Variants in TBC1D22B observed in about 807,000 individuals in gnomAD.
TBC1D22B encodes the protein chromosome 6 open reading frame 197.
Under a neutral mutation model 69.1 loss-of-function variants are expected in TBC1D22B, and 32 were observed. The ratio of observed to expected loss-of-function variants is 0.46; its 90% CI spans 0.35 to 0.62. The LOEUF is 0.62. Ranked by LOEUF, TBC1D22B falls within the 20% of genes least tolerant of loss-of-function variation. The pLI, the probability that TBC1D22B is intolerant of heterozygous loss-of-function variation, is 0.00. For synonymous variants in TBC1D22B, 206 were observed against 229.8 expected (o/e 0.90, Z 0.94); for missense variants, 462 against 630.9 (o/e 0.73, Z 2.87).
chr6:37,273,574 T>C (rs1009702474), intron 2 of TBC1D22B, among the ~76,000 whole-genome samples: 1 of 152,240 alleles, frequency 6.6e-6, no homozygotes, highest in Admixed American at 6.5e-5. Flanking sequence ...CACCTGTTGA[T>C]GATATAAAAT....
chr6:37,277,715 G>A (rs896995042), intron 2 of TBC1D22B, among the ~76,000 whole-genome samples: 1 of 151,994 alleles, frequency 6.6e-6, no homozygotes, highest in Admixed American at 6.5e-5. Context: ...TGATCCATCT[G>A]CCTCCACCTC....
chr6:37,319,963 T>C (rs1581632103), intron 12 of TBC1D22B, among the ~76,000 whole-genome samples: 1 of 152,322 alleles, frequency 6.6e-6, no homozygotes, highest in East Asian at 1.9e-4. Context: ...AAGGAAGCTC[T>C]GTAGATGAAT....
chr6:37,313,500 A>C (rs977507710), intron 9 of TBC1D22B, among the ~76,000 whole-genome samples: 1 of 151,988 alleles, frequency 6.6e-6, no homozygotes, highest in Non-Finnish European at 1.5e-5. Context: ...AAAAAAAAAA[A>C]AAACAAAACA....
intron 6 of TBC1D22B, 134 bp downstream of exon 6, chr6:37,284,598 A>G: frequency 3.9e-6 from 4 of 1,023,068 alleles, no homozygotes; most frequent in Non-Finnish European, 5.3e-6. Context: ...ATTTATCCTC[A>G]AAACTGTTTC....
chr6:37,269,965 G>A (rs2113721331), intron 2 of TBC1D22B, among the ~76,000 whole-genome samples: 1 of 152,308 alleles, frequency 6.6e-6, no homozygotes, highest in South Asian at 2.1e-4. Flanking sequence ...GAACATTGAT[G>A]ACCTCCAGAT....
chr6:37,288,194 T>C (rs1767065139), intron 7 of TBC1D22B, among the ~76,000 whole-genome samples: 1 of 152,204 alleles, frequency 6.6e-6, no homozygotes, highest in Non-Finnish European at 1.5e-5. Context: ...CCTCATGTCT[T>C]ACCCATAGCA....
At chr6:37,275,301 T>TG (rs1033964292) in intron 2 of TBC1D22B, among the ~76,000 whole-genome samples, 2 of 152,208 alleles carry the variant, frequency 1.3e-5, no homozygotes, top group Admixed American at 1.3e-4. Flanking sequence ...GAATAGGCTA[T>TG]GTGTGTCAGA....
At chr6:37,259,187 A>G (rs1323830035) in intron 1 of TBC1D22B, among the ~76,000 whole-genome samples, 1 of 152,144 alleles carries the variant, frequency 6.6e-6, no homozygotes, top group Non-Finnish European at 1.5e-5. Context: ...GGATTCTAGT[A>G]GACATATGGA....
intron 8 of TBC1D22B, among the ~76,000 whole-genome samples, chr6:37,309,334 G>T (rs1767833817): frequency 6.6e-6 from 1 of 152,224 alleles, no homozygotes; most frequent in African/African-American, 2.4e-5. Flanking sequence ...CGATGCTCCT[G>T]TTGCCCTCAG....
At chr6:37,287,135 C>A in intron 7 of TBC1D22B, 63 bp downstream of exon 7, 1 of 1,415,206 alleles carries the variant, frequency 7.1e-7, no homozygotes, top group Non-Finnish European at 9.7e-7. Context: ...CACCTGTTTA[C>A]AGGTTTGCGG....
chr6:37,328,477 CAG>C (rs1768493886), intron 12 of TBC1D22B, among the ~76,000 whole-genome samples: 1 of 152,156 alleles, frequency 6.6e-6, no homozygotes, highest in Non-Finnish European at 1.5e-5. Context: ...ATGCTCAAAA[CAG>C]GAGGATGTAA....
At chr6:37,294,338 A>G (rs1350154045) in intron 8 of TBC1D22B, among the ~76,000 whole-genome samples, 1 of 152,142 alleles carries the variant, frequency 6.6e-6, no homozygotes, top group Non-Finnish European at 1.5e-5. Context: ...GGCTAACTTT[A>G]TAAAAACAAT....
At chr6:37,295,224 C>A (rs761096888) in intron 8 of TBC1D22B, among the ~76,000 whole-genome samples, 15 of 152,072 alleles carry the variant, frequency 9.9e-5, no homozygotes, top group Non-Finnish European at 1.9e-4. Context: ...ACTGCCTCAG[C>A]CTTCTGAGTA....
chr6:37,262,560 T>C (rs984545736), intron 1 of TBC1D22B, among the ~76,000 whole-genome samples: 4 of 152,220 alleles, frequency 2.6e-5, no homozygotes, highest in African/African-American at 4.8e-5. Context: ...AAGCCGATCC[T>C]AAAATAATAA....
At chr6:37,274,013 T>C (rs538249821) in intron 2 of TBC1D22B, among the ~76,000 whole-genome samples, 10 of 152,340 alleles carry the variant, frequency 6.6e-5, no homozygotes, top group Admixed American at 6.5e-4. Context: ...TGCCAAATGA[T>C]TACTATTAGT....
rs149628972 is a variant in TBC1D22B at position 37,302,326 on chromosome 6, A to T, written c.983-10592A>T. 2.7e-3 allele frequency among the ~76,000 whole-genome samples: 408 copies of T among 152,246 alleles called. 2 individuals carry two copies. Among genetic ancestry groups the T allele is most frequent in the African/African-American group, 9.1e-3 (379 of 41,538 alleles). On this transcript the variant is annotated intron_variant, in intron 8 of 12. Transcript: ENST00000373491. The stretch of plus-strand genomic sequence containing the variant: ...GCAGGTGGGGAGGTCACCCCTGGGG[A>T]GATAAAGTCTCTGGAATCTTATCTC...
chr6:37,284,899 G>A (rs1011982151), intron 6 of TBC1D22B, among the ~76,000 whole-genome samples: 36 of 152,248 alleles, frequency 2.4e-4, no homozygotes, highest in African/African-American at 8.2e-4. Context: ...TTACCTAGCC[G>A]TGGTCCAGTC....
Position 37,279,544 on chromosome 6 carries a change from A to G in TBC1D22B, c.354A>G (p.Thr118=), listed in dbSNP as rs372268553. Reference sequence around the variant, plus strand: ...AACCAGAACGGTCCCAGTCAACGACATCGGACGTCCCTGCCAACTACAAGG... The same window carrying G: ...AACCAGAACGGTCCCAGTCAACGACGTCGGACGTCCCTGCCAACTACAAGG... The part of the protein sequence containing the change: ...RVKPERSQST[T]SDVPANYKVI... Residue 118 remains threonine (T), a synonymous_variant, in exon 3 of 13, where the codon ACA becomes ACG. Transcript: ENST00000373491. The G allele has an allele frequency of 7.4e-6, 12 of 1,614,256 alleles. No homozygotes were observed. The highest frequency in any genetic ancestry group is 1.3e-5 in the African/African-American group (1 of 75,070).
rs547660819 is a variant in TBC1D22B, at chr6:37,304,945, C to T, written c.983-7973C>T. ...TGCTGGCAAGTGTGGGAGCAGGAGG[C>T]AGGTTTTAAACCGGGTGGTGAGCCG... On this transcript the variant is annotated intron_variant, in intron 8 of 12. Transcript: ENST00000373491. Among the ~76,000 whole-genome samples, 5 of 152,312 alleles carry T rather than the reference C, an allele frequency of 3.3e-5. No homozygotes were observed. In the East Asian group the frequency reaches 9.6e-4, roughly 29 times the overall value.
Sources: gnomAD v4.1 joint callset for allele counts (sites outside exome capture counted in the v4.1 genomes callset) on GRCh38, gnomAD v4.1.1 for gene constraint, MANE v1.5 for transcripts, NCBI Gene and HGNC (gene_info 2026-07-23, HGNC 2026-07-21) for gene names.